The following HEMK2 variants were observed in gnomAD, a reference collection of about 807,000 sequenced individuals.
HEMK2 encodes HemK methyltransferase 2, ETF1 glutamine and histone H4 lysine, also known as methyltransferase HEMK2.
At chr21:28,654,482 G>T in the HEMK2 span, among the ~76,000 whole-genome samples, 1 of 152,066 alleles carries the variant, frequency 6.6e-6, no homozygotes, top group Non-Finnish European at 1.5e-5. Flanking sequence ...AAAAGTTAGA[G>T]ATCCATAAAG....
chr21:28,577,286 C>G, the HEMK2 span: 6 of 152,290 alleles, frequency 3.9e-5, no homozygotes, highest in African/African-American at 1.2e-4. Flanking sequence ...CCACAACATA[C>G]TTCTTCTTTC....
the HEMK2 span, among the ~76,000 whole-genome samples, chr21:28,814,536 GAA>G: frequency 7.5e-6 from 1 of 134,014 alleles, no homozygotes; most frequent in South Asian, 2.3e-4. Context: ...AAATTTACAA[GAA>G]AAAAAAAAAA....
the HEMK2 span, among the ~76,000 whole-genome samples, chr21:28,828,053 T>C: frequency 6.6e-6 from 1 of 152,204 alleles, no homozygotes; most frequent in Non-Finnish European, 1.5e-5. Context: ...AGGCTACAAG[T>C]CCTCCACTAG....
chr21:28,671,284 G>C, the HEMK2 span: 97 of 152,340 alleles, frequency 6.4e-4, no homozygotes, highest in African/African-American at 2.3e-3. Context: ...AGTGGTGGGA[G>C]AGAAGCAGTG....
chr21:28,797,493 T>A, the HEMK2 span, among the ~76,000 whole-genome samples: 13 of 127,638 alleles, frequency 1.0e-4, no homozygotes, highest in Admixed American at 4.9e-4. Context: ...TGTGTGCCTG[T>A]GGTCCCAGCT....
chr21:28,677,830 G>C, the HEMK2 span, among the ~76,000 whole-genome samples: 1 of 152,220 alleles, frequency 6.6e-6, no homozygotes, highest in Non-Finnish European at 1.5e-5. Flanking sequence ...ATATGCAGCT[G>C]AGGGTCCTGA....
chr21:28,828,554 A>G, the HEMK2 span, among the ~76,000 whole-genome samples: 1 of 152,222 alleles, frequency 6.6e-6, no homozygotes, highest in African/African-American at 2.4e-5. Flanking sequence ...TTTCTAAACT[A>G]AGAAGCTACT....
the HEMK2 span, among the ~76,000 whole-genome samples, chr21:28,776,765 T>A: frequency 1.6e-4 from 25 of 152,236 alleles, no homozygotes; most frequent in Middle Eastern, 6.8e-3. Flanking sequence ...TGGAGTCCAA[T>A]GTTCAAGGGC....
the HEMK2 span, among the ~76,000 whole-genome samples, chr21:28,587,713 T>C: frequency 6.6e-6 from 1 of 152,184 alleles, no homozygotes; most frequent in Non-Finnish European, 1.5e-5. Flanking sequence ...AAAAAATTGA[T>C]CTACAGTCTG....
the HEMK2 span, among the ~76,000 whole-genome samples, chr21:28,655,454 T>G: frequency 6.6e-6 from 1 of 152,066 alleles, no homozygotes; most frequent in African/African-American, 2.4e-5. Context: ...TCAAGGAGAA[T>G]AGGAAATACA....
chr21:28,739,484 G>A, the HEMK2 span, among the ~76,000 whole-genome samples: 1 of 152,218 alleles, frequency 6.6e-6, no homozygotes, highest in African/African-American at 2.4e-5. Context: ...GTGAGAAAAT[G>A]TTAATAAGAT....
At chr21:28,740,214 C>T in the HEMK2 span, among the ~76,000 whole-genome samples, 2 of 152,214 alleles carry the variant, frequency 1.3e-5, no homozygotes, top group African/African-American at 4.8e-5. Flanking sequence ...ATCTTAGCAA[C>T]CACAGTTTCC....
At chr21:28,802,885 G>A in the HEMK2 span, among the ~76,000 whole-genome samples, 1 of 152,042 alleles carries the variant, frequency 6.6e-6, no homozygotes, top group Non-Finnish European at 1.5e-5. Flanking sequence ...ATCAACAAAG[G>A]ATTTGGAGTA....
At chr21:28,710,453 C>T in the HEMK2 span, among the ~76,000 whole-genome samples, 2 of 152,110 alleles carry the variant, frequency 1.3e-5, no homozygotes, top group African/African-American at 4.8e-5. Context: ...AAAAATGGTG[C>T]AGATGTACAA....
chr21:28,581,177 C>T, the HEMK2 span, among the ~76,000 whole-genome samples: 2 of 150,804 alleles, frequency 1.3e-5, no homozygotes, highest in Admixed American at 6.6e-5. Flanking sequence ...TATTCATACA[C>T]GAGTTATGTG....
At chr21:28,680,226 T>C in the HEMK2 span, among the ~76,000 whole-genome samples, 6 of 152,142 alleles carry the variant, frequency 3.9e-5, no homozygotes, top group East Asian at 9.7e-4. Context: ...GATATCACCA[T>C]CAATCCCACA....
At chr21:28,841,428 A>ATAT in the HEMK2 span, among the ~76,000 whole-genome samples, 6,481 of 51,228 alleles carry the variant, frequency 0.13, 1,183 homozygotes, top group East Asian at 0.57. Flanking sequence ...TATATATAAA[A>ATAT]TATATATATT....
the HEMK2 span, among the ~76,000 whole-genome samples, chr21:28,576,173 G>A: frequency 6.6e-6 from 1 of 152,128 alleles, no homozygotes; most frequent in South Asian, 2.1e-4. Flanking sequence ...CCAAACTATT[G>A]CCCCAAGTGT....
chr21:28,729,467 G>C, the HEMK2 span, among the ~76,000 whole-genome samples: 2 of 152,098 alleles, frequency 1.3e-5, no homozygotes, highest in South Asian at 4.1e-4. Flanking sequence ...ATAGCAGAGG[G>C]ACTGGAAGAG....
Sources: gnomAD v4.1 joint callset for allele counts (sites outside exome capture counted in the v4.1 genomes callset) on GRCh38, gnomAD v4.1.1 for gene constraint, MANE v1.5 for transcripts, NCBI Gene and HGNC (gene_info 2026-07-23, HGNC 2026-07-21) for gene names.